GRAMD2B: variants seen among roughly 807,000 people sequenced by gnomAD.
The protein encoded by GRAMD2B is GRAM domain containing 2B.
Under a neutral mutation model 59.2 loss-of-function variants are expected in GRAMD2B, and 41 were observed. The ratio of observed to expected loss-of-function variants is 0.69; its 90% CI spans 0.54 to 0.90. GRAMD2B has a LOEUF of 0.90. GRAMD2B is among the 40% of genes least tolerant of loss of function. The pLI is 0.00. For missense variants in GRAMD2B, 424 were observed against 500.5 expected (o/e 0.85, Z 1.46); for synonymous variants, 161 against 182.7 (o/e 0.88, Z 0.96).
At chr5:126,416,366 A>G (rs1759265062) in intron 1 of GRAMD2B, among the ~76,000 whole-genome samples, 1 of 152,216 alleles carries the variant, frequency 6.6e-6, no homozygotes, top group African/African-American at 2.4e-5. Context: ...AAAAAGAGTA[A>G]TTATTCAACA....
At chr5:126,373,121 A>C (rs1447067530) in intron 1 of GRAMD2B, among the ~76,000 whole-genome samples, 6 of 152,210 alleles carry the variant, frequency 3.9e-5, no homozygotes, top group Admixed American at 1.3e-4. Flanking sequence ...CTATGTTAGC[A>C]TCTGTAAGTG....
At chr5:126,367,166 G>A (rs533613675), upstream of GRAMD2B, among the ~76,000 whole-genome samples, 3 of 151,942 alleles carry the variant, frequency 2.0e-5, no homozygotes, top group Non-Finnish European at 2.9e-5. Context: ...CCAGACCAAG[G>A]CTTTTTTTAT....
chr5:126,421,238 T>C (rs1759694890), upstream of GRAMD2B, among the ~76,000 whole-genome samples: 1 of 152,202 alleles, frequency 6.6e-6, no homozygotes, highest in African/African-American at 2.4e-5. Context: ...AAATGATAAA[T>C]AGTAATGTTA....
chr5:126,481,197 AAAAAAAAAAGAAAGAAAGAAAGAAAG>A (rs1771672517), intron 8 of GRAMD2B, among the ~76,000 whole-genome samples: 1 of 96,390 alleles, frequency 1.0e-5, no homozygotes, highest in African/African-American at 4.0e-5. Context: ...ACTGTAAAAA[AAAAAAAAAAGAAAGAAAGAAAGAAAG>A]AAAGAAAGAA....
chr5:126,478,514 G>T (rs188560309), intron 6 of GRAMD2B, among the ~76,000 whole-genome samples: 2 of 152,262 alleles, frequency 1.3e-5, no homozygotes, highest in Non-Finnish European at 2.9e-5. Context: ...GCCCAAATGG[G>T]CAGATCGCTT....
chr5:126,399,314 G>C (rs1199036913), intron 1 of GRAMD2B, among the ~76,000 whole-genome samples: 69 of 152,100 alleles, frequency 4.5e-4, no homozygotes, highest in Admixed American at 4.5e-3. Context: ...GTTTAGCTCT[G>C]TGTCTCCATC....
At chr5:126,480,767 C>G in intron 8 of GRAMD2B, 60 bp downstream of exon 8, 2 of 1,429,122 alleles carry the variant, frequency 1.4e-6, no homozygotes, top group Non-Finnish European at 2.0e-6. Context: ...CACAATTACA[C>G]TTGTGCTTAC....
intron 13 of GRAMD2B, among the ~76,000 whole-genome samples, chr5:126,490,722 C>T (rs1773776028): frequency 6.6e-6 from 1 of 152,224 alleles, no homozygotes; most frequent in Non-Finnish European, 1.5e-5. Flanking sequence ...GAAATAGCAG[C>T]TCCATGCTGT....
intron 1 of GRAMD2B, among the ~76,000 whole-genome samples, chr5:126,403,836 A>G (rs1370366902): frequency 6.6e-6 from 1 of 151,922 alleles, no homozygotes; most frequent in Admixed American, 6.6e-5. Context: ...TTATCCCCCA[A>G]GTTCTGCTAA....
intron 1 of GRAMD2B, among the ~76,000 whole-genome samples, chr5:126,374,301 A>G (rs767969019): frequency 1.3e-5 from 2 of 152,208 alleles, no homozygotes; most frequent in Non-Finnish European, 2.9e-5. Context: ...GGTTTAATAT[A>G]TGTTAAACTA....
chr5:126,407,036 G>A (rs962671468), intron 1 of GRAMD2B, among the ~76,000 whole-genome samples: 2 of 152,022 alleles, frequency 1.3e-5, no homozygotes, highest in Non-Finnish European at 2.9e-5. Flanking sequence ...AGAAGCTTGA[G>A]TGTTTTTCAA....
intron 6 of GRAMD2B, among the ~76,000 whole-genome samples, chr5:126,478,644 G>A (rs1771107866): frequency 1.3e-5 from 2 of 152,108 alleles, no homozygotes; most frequent in Admixed American, 6.5e-5. Flanking sequence ...GGGAGGCTGA[G>A]GTGGGAGGAT....
chr5:126,440,118 G>T (rs1018011348), intron 1 of GRAMD2B, among the ~76,000 whole-genome samples: 1 of 151,966 alleles, frequency 6.6e-6, no homozygotes, highest in African/African-American at 2.4e-5. Context: ...ACAATAAAAA[G>T]TTAATAAAAT....
intron 1 of GRAMD2B, among the ~76,000 whole-genome samples, chr5:126,366,303 A>T (rs1486995380): frequency 6.6e-6 from 1 of 152,230 alleles, no homozygotes; most frequent in Non-Finnish European, 1.5e-5. Flanking sequence ...TCAACACTCC[A>T]TGGGCCTAGA....
At chr5:126,485,797 G>A in intron 11 of GRAMD2B, 24 bp downstream of exon 11, 2 of 1,385,600 alleles carry the variant, frequency 1.4e-6, no homozygotes, top group Non-Finnish European at 2.0e-6. Flanking sequence ...TTTACTGTGA[G>A]TGACTAAGAA....
In GRAMD2B at chr5:126,493,901, G is replaced by C. The variant is rs1774332731; in HGVS notation, c.*945G>C. On this transcript the variant is annotated 3_prime_UTR_variant, in exon 14 of 14. Coordinates refer to ENST00000285689, the MANE Select transcript of GRAMD2B (RefSeq NM_023927.4). ...GCTGACTAAAATAAAATAACTGGTG[G>C]TTTGCTAACTATTTACCATATGGGT... 6.6e-6 allele frequency: 1 copy of C among 152,560 alleles called. No individual in the cohort carries two copies. The highest frequency in any genetic ancestry group is 1.5e-5 in the Non-Finnish European group (1 of 68,014). 9.5% of individuals were successfully genotyped at this position (152,560 alleles called of 1,614,324 possible).
chr5:126,413,398 T>C (rs1293485276), intron 1 of GRAMD2B, among the ~76,000 whole-genome samples: 2 of 152,150 alleles, frequency 1.3e-5, no homozygotes, highest in Admixed American at 6.6e-5. Context: ...TAAATTTCCA[T>C]GTAATTTTGT....
At chr5:126,418,595 A>C (rs144607994), upstream of GRAMD2B, among the ~76,000 whole-genome samples, 5 of 152,268 alleles carry the variant, frequency 3.3e-5, no homozygotes, top group East Asian at 9.6e-4. Flanking sequence ...TACTCTACTA[A>C]ATTTTTAAAT....
At chr5:126,423,909 A>G (rs982535787) in intron 1 of GRAMD2B, among the ~76,000 whole-genome samples, 1 of 152,186 alleles carries the variant, frequency 6.6e-6, no homozygotes, top group Non-Finnish European at 1.5e-5. Flanking sequence ...GATTTAAACA[A>G]ATTCTCTTAA....
Sources: gnomAD v4.1 joint callset for allele counts (sites outside exome capture counted in the v4.1 genomes callset) on GRCh38, gnomAD v4.1.1 for gene constraint, MANE v1.5 for transcripts, NCBI Gene and HGNC (gene_info 2026-07-23, HGNC 2026-07-21) for gene names.